The following NTN1 variants were observed in gnomAD, a reference collection of about 807,000 sequenced individuals.
NTN1 encodes netrin-1.
A neutral mutation model predicts 54.2 loss-of-function variants in NTN1; 11 were observed. The observed-to-expected ratio is 0.20, with a 90% CI of 0.13 to 0.34. The LOEUF is 0.34. Among genes scored for constraint, NTN1 ranks in the 10% least tolerant of loss-of-function variants. The probability of loss-of-function intolerance (pLI) is 1.00; values close to 1 mark genes in which losing one functional copy is unlikely to be tolerated. For missense variants in NTN1, 740 were observed against 893.1 expected, an observed-to-expected ratio of 0.83 and a Z score of 2.18; for synonymous variants, 371 against 382.0, an observed-to-expected ratio of 0.97 and a Z score of 0.33.
intron 5 of NTN1, among the ~76,000 whole-genome samples, chr17:9,216,145 A>C (rs1212786432): frequency 1.3e-5 from 2 of 152,106 alleles, no homozygotes; most frequent in African/African-American, 4.8e-5. Flanking sequence ...CTTTTAAGGG[A>C]CGGAATTTTG....
chr17:9,070,189 TTCTG>T (rs769274394), intron 2 of NTN1, among the ~76,000 whole-genome samples: 7 of 152,186 alleles, frequency 4.6e-5, no homozygotes, highest in Non-Finnish European at 8.8e-5. Flanking sequence ...CAGTTTCTCT[TTCTG>T]TCTATTATTA....
chr17:9,170,490 G>C (rs1206464573), intron 3 of NTN1, among the ~76,000 whole-genome samples: 1 of 152,140 alleles, frequency 6.6e-6, no homozygotes, highest in East Asian at 1.9e-4. Context: ...GTGTGGACTT[G>C]GCAGCCAATT....
intron 5 of NTN1, among the ~76,000 whole-genome samples, chr17:9,210,795 A>G (rs947971701): frequency 2.6e-5 from 4 of 151,360 alleles, no homozygotes; most frequent in African/African-American, 9.7e-5. Flanking sequence ...AATCCCAGCT[A>G]CTTGGGAGGT....
chr17:9,199,218 T>C (rs2003541), intron 5 of NTN1, among the ~76,000 whole-genome samples: 52,816 of 151,876 alleles, frequency 0.35, 10,740 homozygotes, highest in Non-Finnish European at 0.46. Flanking sequence ...TCTCGGCTCA[T>C]TGCAACCTCC....
Position 9,221,952 on chromosome 17 carries a change from C to T in NTN1, c.1486+710C>T, listed in dbSNP as rs992447851. Among the ~76,000 whole-genome samples the T allele has an allele frequency of 1.3e-5, 2 of 152,170 alleles. No homozygotes were observed. The highest frequency in any genetic ancestry group is 2.4e-5 in the African/African-American group (1 of 41,434). ...GGCAGGTGTGTGTGAAGAGCTGGGG[C>T]TGGTGGCAGGGGCTCTTCAGAATGG... is the stretch of plus-strand genomic sequence containing the variant. On this transcript the variant is annotated intron_variant, in intron 6 of 6. Coordinates refer to ENST00000173229, the MANE Select transcript of NTN1 (RefSeq NM_004822.3). The surrounding 1 kb of genome is among the most constrained non-coding windows in gnomAD (Gnocchi z 4.5).
At chr17:9,040,798 T>A (rs867324251) in intron 2 of NTN1, among the ~76,000 whole-genome samples, 16 of 117,260 alleles carry the variant, frequency 1.4e-4, no homozygotes, top group East Asian at 1.0e-3. Flanking sequence ...TCTTTCTTAC[T>A]TTTTTTTTTG....
chr17:9,006,102 C>T, the NTN1 span, among the ~76,000 whole-genome samples: 71 of 118,094 alleles, frequency 6.0e-4, no homozygotes, highest in African/African-American at 1.4e-3. Flanking sequence ...GTGAAGTGGG[C>T]GGTGGAGGGG....
chr17:9,099,386 C>G (rs1029656641), intron 2 of NTN1, among the ~76,000 whole-genome samples: 5 of 152,166 alleles, frequency 3.3e-5, no homozygotes, highest in African/African-American at 1.2e-4. Context: ...GCCTAGGCAA[C>G]AAGAGCGAAA....
At chr17:9,099,540 A>G (rs77425035) in intron 2 of NTN1, among the ~76,000 whole-genome samples, 11,389 of 152,040 alleles carry the variant, frequency 0.075, 613 homozygotes, top group Non-Finnish European at 0.11. Context: ...CTACCTACCT[A>G]TATACCTACC....
At chr17:9,092,062 G>T (rs1252849876) in intron 2 of NTN1, among the ~76,000 whole-genome samples, 1 of 151,358 alleles carries the variant, frequency 6.6e-6, no homozygotes, top group African/African-American at 2.4e-5. Context: ...GCTAATTTTT[G>T]TATTTTTAGT....
chr17:9,032,141 G>A (rs897534138), intron 2 of NTN1, among the ~76,000 whole-genome samples: 1 of 152,194 alleles, frequency 6.6e-6, no homozygotes, highest in African/African-American at 2.4e-5. Flanking sequence ...TGAGTGTCCG[G>A]GGTGCAGGGA....
intron 2 of NTN1, among the ~76,000 whole-genome samples, chr17:9,070,436 A>C (rs1057408792): frequency 1.3e-5 from 2 of 152,168 alleles, no homozygotes; most frequent in African/African-American, 4.8e-5. Context: ...TAGAGGAACA[A>C]GAAGTGACTG....
At chr17:9,088,561 G>A (rs1339175446) in intron 2 of NTN1, among the ~76,000 whole-genome samples, 1 of 152,066 alleles carries the variant, frequency 6.6e-6, no homozygotes, top group Non-Finnish European at 1.5e-5. Context: ...TGGGTGGATG[G>A]GCTCTGAGTC....
chr17:9,203,250 C>T (rs889077201), intron 5 of NTN1, among the ~76,000 whole-genome samples: 3 of 152,098 alleles, frequency 2.0e-5, no homozygotes, highest in Non-Finnish European at 2.9e-5. Flanking sequence ...TCTTCTTTGC[C>T]CTCTGTTTGC....
Position 9,022,747 on chromosome 17 carries a change from A to T in NTN1, c.374A>T (p.Tyr125Phe). 1 of 1,608,994 alleles carries T rather than the reference A, an allele frequency of 6.2e-7. No homozygotes were observed. Among genetic ancestry groups the T allele is most frequent in the Non-Finnish European group, 8.5e-7 (1 of 1,178,408 alleles). ...CTGACGTGCTGGCAGTCCGAGAACT[A>T]CCTGCAGTTCCCGCACAACGTCACG... ...HNLTCWQSEN[Y>F]LQFPHNVTLT... Residue 125 changes from tyrosine (Y) to phenylalanine (F), a missense_variant, in exon 2 of 7, where the codon TAC becomes TTC. Tyr to Phe is a conservative substitution (Grantham distance 22, BLOSUM62 3). Transcript: ENST00000173229.
At chr17:9,080,853 G>A (rs2092068242) in intron 2 of NTN1, among the ~76,000 whole-genome samples, 1 of 152,208 alleles carries the variant, frequency 6.6e-6, no homozygotes, top group Non-Finnish European at 1.5e-5. Context: ...GAGGTTCCTA[G>A]AGGGTGATGG....
At chr17:9,099,186 C>T (rs1318227031) in intron 2 of NTN1, among the ~76,000 whole-genome samples, 1 of 152,170 alleles carries the variant, frequency 6.6e-6, no homozygotes, top group Non-Finnish European at 1.5e-5. Flanking sequence ...GGTGGATCAC[C>T]TGAGGTCAGG....
chr17:9,059,101 A>G (rs2091988279), intron 2 of NTN1, among the ~76,000 whole-genome samples: 1 of 152,188 alleles, frequency 6.6e-6, no homozygotes, highest in African/African-American at 2.4e-5. Context: ...TAAGCCCTCT[A>G]TATTATCATT....
At chr17:9,182,632 C>T (rs1054198127) in intron 4 of NTN1, among the ~76,000 whole-genome samples, 9 of 152,176 alleles carry the variant, frequency 5.9e-5, no homozygotes, top group Non-Finnish European at 1.3e-4. Flanking sequence ...GACGCCAGGC[C>T]CAGGGGGTGG....
Sources: gnomAD v4.1 joint callset for allele counts (sites outside exome capture counted in the v4.1 genomes callset) on GRCh38, gnomAD v4.1.1 for gene constraint, Gnocchi (gnomAD v3.1) non-coding constraint, MANE v1.5 for transcripts, NCBI Gene and HGNC (gene_info 2026-07-23, HGNC 2026-07-21) for gene names.